Variants in CELF4 observed in about 807,000 individuals in gnomAD.
The protein encoded by CELF4 is CUGBP Elav-like family member 4, also known as CUG-BP- and ETR-3-like factor 4.
Under a neutral mutation model 59.9 loss-of-function variants are expected in CELF4, and 18 were observed. The observed-to-expected ratio is 0.30, with a 90% CI of 0.21 to 0.45. The LOEUF (loss-of-function observed/expected upper bound fraction) is 0.45, where lower values mean the gene tolerates loss of function less well. Ranked by LOEUF, CELF4 falls within the 20% of genes least tolerant of loss-of-function variation. The pLI, the probability that CELF4 is intolerant of heterozygous loss-of-function variation, is 1.00. For missense variants in CELF4, 456 were observed against 689.0 expected, an observed-to-expected ratio of 0.66 and a Z score of 3.79; for synonymous variants, 261 against 267.1, an observed-to-expected ratio of 0.98 and a Z score of 0.22.
intron 2 of CELF4, among the ~76,000 whole-genome samples, chr18:37,327,995 T>C (rs2097383343): frequency 6.6e-6 from 1 of 152,118 alleles, no homozygotes; most frequent in African/African-American, 2.4e-5. Flanking sequence ...CTCCTTTCTC[T>C]CTCTCATGCG....
At chr18:37,338,823 C>A (rs2097880783) in intron 2 of CELF4, among the ~76,000 whole-genome samples, 1 of 150,038 alleles carries the variant, frequency 6.7e-6, no homozygotes, top group Non-Finnish European at 1.5e-5. Flanking sequence ...CACAGGGTGG[C>A]TTTGAGAGCA....
In CELF4 at chr18:37,502,244, G is replaced by A. The variant is rs746953469; in HGVS notation, c.287-16637C>T. Among the ~76,000 whole-genome samples the A allele has an allele frequency of 1.2e-4, 19 of 152,228 alleles. No homozygotes were observed. In the East Asian group the frequency reaches 1.5e-3, roughly 12 times the overall value. ...TCCTCCCTCATGAACACTAATTACC[G>A]CACAGACCTTCTCCATGAAATCGGT... On this transcript the variant is annotated intron_variant, in intron 1 of 12. Transcript: ENST00000420428.
At chr18:37,497,843 G>A (rs1179032864) in intron 1 of CELF4, among the ~76,000 whole-genome samples, 4 of 152,002 alleles carry the variant, frequency 2.6e-5, no homozygotes, top group Non-Finnish European at 4.4e-5. Flanking sequence ...TATATGTTTC[G>A]ACTCATTTAA....
chr18:37,540,081 C>T (rs2099976701), intron 1 of CELF4, among the ~76,000 whole-genome samples: 1 of 152,214 alleles, frequency 6.6e-6, no homozygotes, highest in African/African-American at 2.4e-5. Flanking sequence ...CAGTTGAATA[C>T]CACCCTCCTG....
intron 2 of CELF4, among the ~76,000 whole-genome samples, chr18:37,338,137 C>T (rs2097846233): frequency 1.6e-5 from 1 of 63,998 alleles, no homozygotes. Flanking sequence ...ACTGTCGCTG[C>T]CACCATCTGT....
chr18:37,547,297 C>T (rs1461934752), intron 1 of CELF4, among the ~76,000 whole-genome samples: 3 of 152,066 alleles, frequency 2.0e-5, no homozygotes, highest in African/African-American at 7.2e-5. Flanking sequence ...CGGCTGAGGG[C>T]TGGGTGTACA....
chr18:37,531,244 G>C (rs927593155), intron 1 of CELF4, among the ~76,000 whole-genome samples: 3 of 152,084 alleles, frequency 2.0e-5, no homozygotes, highest in Admixed American at 6.5e-5. Context: ...CTCAGCTGGG[G>C]CCCCCCTCCA....
At chr18:37,259,404 T>G in intron 10 of CELF4, 140 bp from the exon 11 acceptor site, 2 of 607,044 alleles carry the variant, frequency 3.3e-6, no homozygotes, top group East Asian at 2.8e-5. Context: ...TCATTCCAGA[T>G]CCAAGGGCGC....
chr18:37,376,583 G>T (rs2098972090), intron 2 of CELF4, among the ~76,000 whole-genome samples: 1 of 152,242 alleles, frequency 6.6e-6, no homozygotes, highest in South Asian at 2.1e-4. Flanking sequence ...ACCCCAGGAA[G>T]GCCCCCCTCC....
At chr18:37,252,683 CACTGACCATGTGGTT>C (rs2066290117) in intron 12 of CELF4, among the ~76,000 whole-genome samples, 1 of 149,422 alleles carries the variant, frequency 6.7e-6, no homozygotes, top group African/African-American at 2.5e-5. Flanking sequence ...GTGAGATCTA[CACTGACCATGTGGTT>C]TAACTGTAGC....
intron 2 of CELF4, among the ~76,000 whole-genome samples, chr18:37,385,198 A>C (rs2099085398): frequency 6.6e-6 from 1 of 151,994 alleles, no homozygotes; most frequent in African/African-American, 2.4e-5. Flanking sequence ...AATATAAAAA[A>C]TTAGCCGGGT....
Position 37,485,823 on chromosome 18 carries a change from TC to T in CELF4, c.287-217del, listed in dbSNP as rs1188057739. On this transcript the variant is annotated intron_variant, in intron 1 of 12. Transcript: ENST00000420428. ...ACCTCCCTTTGCTTTTCTATTTTGC[TC>T]CCTCCGCGGAGTCTCCCCACCCTGC... The T allele has an allele frequency of 6.6e-5, 24 of 365,348 alleles. No individual in the cohort carries two copies. In the East Asian group the frequency reaches 8.9e-4, roughly 14 times the overall value. The allele number at this position is 365,348 out of a possible 1,614,324, so 22.6% of individuals were successfully genotyped here. A position where few individuals can be genotyped will look rare whatever the true frequency, so the allele number is the denominator to read the frequency against.
intron 2 of CELF4, among the ~76,000 whole-genome samples, chr18:37,346,400 C>T: frequency 6.6e-6 from 1 of 152,192 alleles, no homozygotes; most frequent in Admixed American, 6.5e-5. Flanking sequence ...CAGAGTGTGA[C>T]AGAGGCAGGG....
At chr18:37,343,743 GT>G (rs1253871095) in intron 2 of CELF4, among the ~76,000 whole-genome samples, 1 of 152,052 alleles carries the variant, frequency 6.6e-6, no homozygotes, top group Non-Finnish European at 1.5e-5. Context: ...TGCTGCTCGT[GT>G]TCCGTGCCCT....
intron 2 of CELF4, among the ~76,000 whole-genome samples, chr18:37,397,981 A>G (rs2099266581): frequency 6.6e-6 from 1 of 152,102 alleles, no homozygotes; most frequent in South Asian, 2.1e-4. Context: ...TCCTGACGAT[A>G]GGGCTGCCTC....
intron 2 of CELF4, among the ~76,000 whole-genome samples, chr18:37,418,019 T>G (rs755583548): frequency 2.6e-5 from 4 of 152,234 alleles, no homozygotes; most frequent in Admixed American, 1.3e-4. Context: ...CTGGTATGCT[T>G]GCTTTCCTGG....
intron 2 of CELF4, among the ~76,000 whole-genome samples, chr18:37,434,054 G>A (rs769167313): frequency 6.6e-6 from 1 of 152,238 alleles, no homozygotes; most frequent in Non-Finnish European, 1.5e-5. Context: ...TGGGTGCCAA[G>A]GGCCGGACTA....
At chr18:37,409,650 C>CG (rs1603637378) in intron 2 of CELF4, among the ~76,000 whole-genome samples, 4 of 151,546 alleles carry the variant, frequency 2.6e-5, no homozygotes, top group African/African-American at 9.7e-5. Context: ...GAGACCCTGG[C>CG]GGGGGGTGAA....
intron 2 of CELF4, among the ~76,000 whole-genome samples, chr18:37,336,896 A>AC (rs1259673686): frequency 4.0e-5 from 6 of 151,070 alleles, no homozygotes; most frequent in African/African-American, 1.5e-4. Flanking sequence ...TGTCACCCCA[A>AC]CCCCCGGCGG....
Sources: gnomAD v4.1 joint callset for allele counts (sites outside exome capture counted in the v4.1 genomes callset) on GRCh38, gnomAD v4.1.1 for gene constraint, MANE v1.5 for transcripts, NCBI Gene and HGNC (gene_info 2026-07-23, HGNC 2026-07-21) for gene names.